TCF4: variants seen among roughly 807,000 people sequenced by gnomAD.
TCF4 encodes SL3-3 enhancer factor 2.
A neutral mutation model predicts 82.1 loss-of-function variants in TCF4; 3 were observed. The observed-to-expected ratio is 0.04, with a 90% CI of 0.02 to 0.09. TCF4 has a LOEUF of 0.09. Ranked by LOEUF, TCF4 falls within the 10% of genes least tolerant of loss-of-function variation. The pLI, the probability that TCF4 is intolerant of heterozygous loss-of-function variation, is 1.00. For synonymous variants in TCF4, 276 were observed against 309.6 expected (o/e 0.89, Z 1.14); for missense variants, 518 against 852.7 (o/e 0.61, Z 4.89).
At chr18:55,489,998 C>T (rs995827611) in intron 3 of TCF4, among the ~76,000 whole-genome samples, 5 of 152,128 alleles carry the variant, frequency 3.3e-5, no homozygotes, top group African/African-American at 9.7e-5. Flanking sequence ...AAAATACATG[C>T]GGATACTTTT....
chr18:55,431,076 C>G (rs562321988), intron 5 of TCF4, among the ~76,000 whole-genome samples: 1 of 152,226 alleles, frequency 6.6e-6, no homozygotes, highest in African/African-American at 2.4e-5. Flanking sequence ...TTAGAAGAAG[C>G]TGAAAGATGC....
At chr18:55,619,601 C>T (rs562611830) in intron 2 of TCF4, among the ~76,000 whole-genome samples, 8 of 152,232 alleles carry the variant, frequency 5.3e-5, no homozygotes, top group Non-Finnish European at 8.8e-5. Flanking sequence ...CTTTGCCTAA[C>T]TTTTAGAAGA....
chr18:55,290,470 G>T (rs1198373278), intron 8 of TCF4, among the ~76,000 whole-genome samples: 3 of 152,288 alleles, frequency 2.0e-5, no homozygotes, highest in South Asian at 2.1e-4. Flanking sequence ...GGGCAATGAG[G>T]TCTCAGATCT....
rs984509986 is a variant in TCF4 at position 55,350,917 on chromosome 18, A to G, written c.456T>C (p.Ser152=). ...TKPGSQYYQY[S]SNNPRRRPLH... is the part of the protein sequence containing the mutation. Reference sequence around the variant, plus strand: ...GAGGCCTCCTTCGGGGATTATTGCTAGAATACTGATAGTACTGGGAACCAG... The same window carrying G: ...GAGGCCTCCTTCGGGGATTATTGCTGGAATACTGATAGTACTGGGAACCAG... Residue 152 remains serine, a synonymous_variant, in exon 7 of 20, where the codon TCT becomes TCC. Coordinates refer to ENST00000354452, the MANE Select transcript of TCF4 (RefSeq NM_001083962.2). 1 of 1,613,556 alleles carries G rather than the reference A, an allele frequency of 6.2e-7. No individual in the cohort carries two copies. The highest frequency in any genetic ancestry group is 1.7e-5 in the Admixed American group (1 of 59,986).
chr18:55,563,330 C>A (rs2097372088), intron 3 of TCF4, among the ~76,000 whole-genome samples: 1 of 151,300 alleles, frequency 6.6e-6, no homozygotes, highest in Non-Finnish European at 1.5e-5. Context: ...TGTGTAACTT[C>A]ACAGAGAGTC....
intron 15 of TCF4, among the ~76,000 whole-genome samples, chr18:55,237,671 T>C (rs2049948909): frequency 6.6e-6 from 1 of 152,080 alleles, no homozygotes; most frequent in African/African-American, 2.4e-5. Flanking sequence ...CTTGTGTCTA[T>C]TCCAGGTCAT....
intron 9 of TCF4, among the ~76,000 whole-genome samples, chr18:55,279,152 A>T (rs1294430597): frequency 6.6e-6 from 1 of 152,158 alleles, no homozygotes. Context: ...ATAAGGTTAT[A>T]CATTAGGCCA....
At chr18:55,342,429 CTGAG>C (rs1034067638) in intron 8 of TCF4, among the ~76,000 whole-genome samples, 2 of 152,068 alleles carry the variant, frequency 1.3e-5, no homozygotes, top group Non-Finnish European at 2.9e-5. Context: ...AATCATATGC[CTGAG>C]TATTAAATGG....
intron 5 of TCF4, among the ~76,000 whole-genome samples, chr18:55,423,009 T>TCACA (rs369259689): frequency 2.0e-5 from 3 of 147,626 alleles, no homozygotes; most frequent in African/African-American, 7.5e-5. Context: ...ACGCACATGC[T>TCACA]CACACACACA....
intron 5 of TCF4, among the ~76,000 whole-genome samples, chr18:55,436,312 T>C (rs1263597786): frequency 6.6e-6 from 1 of 152,234 alleles, no homozygotes; most frequent in Non-Finnish European, 1.5e-5. Context: ...TTAACTACTT[T>C]ATTCATTAAA....
intron 8 of TCF4, among the ~76,000 whole-genome samples, chr18:55,298,958 T>C (rs2067303561): frequency 6.6e-6 from 1 of 152,038 alleles, no homozygotes; most frequent in Non-Finnish European, 1.5e-5. Flanking sequence ...CAGACAGACA[T>C]TTCCCTACAA....
At chr18:55,515,002 C>CTA (rs2096867314) in intron 3 of TCF4, among the ~76,000 whole-genome samples, 1 of 152,070 alleles carries the variant, frequency 6.6e-6, no homozygotes, top group African/African-American at 2.4e-5. Flanking sequence ...CTGCCCCACT[C>CTA]TATAAAGACC....
chr18:55,318,106 A>C (rs1302771471), intron 8 of TCF4, among the ~76,000 whole-genome samples: 1 of 152,244 alleles, frequency 6.6e-6, no homozygotes, highest in Non-Finnish European at 1.5e-5. Context: ...TGTGATCTTC[A>C]ATTACCATTA....
At chr18:55,302,073 C>A (rs947022479) in intron 8 of TCF4, among the ~76,000 whole-genome samples, 6 of 152,216 alleles carry the variant, frequency 3.9e-5, no homozygotes, top group African/African-American at 1.4e-4. Flanking sequence ...CTATTAACTC[C>A]GTCCGTTTGC....
chr18:55,260,124 T>A, intron 12 of TCF4, 97 bp from the exon 13 acceptor site: 1 of 877,466 alleles, frequency 1.1e-6, no homozygotes, highest in Non-Finnish European at 1.9e-6. Context: ...CATTTAGAAC[T>A]TACAAGTTAC....
intron 5 of TCF4, among the ~76,000 whole-genome samples, chr18:55,445,719 A>T (rs2095514461): frequency 6.6e-6 from 1 of 152,176 alleles, no homozygotes; most frequent in Non-Finnish European, 1.5e-5. Context: ...CATCTCACAG[A>T]ATGACTTCAG....
chr18:55,402,629 A>C (rs1404003504), intron 6 of TCF4, among the ~76,000 whole-genome samples: 3 of 152,198 alleles, frequency 2.0e-5, no homozygotes, highest in Admixed American at 6.5e-5. Flanking sequence ...AGGAAGTATA[A>C]ATTTTTAAAA....
At chr18:55,267,576 T>C (rs1276735755) in intron 11 of TCF4, 1 of 152,132 alleles carries the variant, frequency 6.6e-6, no homozygotes. Flanking sequence ...GGTGAACATA[T>C]TATTTTAAAG....
At chr18:55,263,882 C>A (rs1302674316) in intron 11 of TCF4, among the ~76,000 whole-genome samples, 1 of 151,912 alleles carries the variant, frequency 6.6e-6, no homozygotes, top group Non-Finnish European at 1.5e-5. Flanking sequence ...CATTATCTAA[C>A]AAAGAACCTA....
Sources: allele counts gnomAD v4.1 joint callset (sites outside exome capture counted in the v4.1 genomes callset), GRCh38; gene constraint gnomAD v4.1.1; transcripts MANE v1.5; gene names NCBI Gene and HGNC (gene_info 2026-07-23, HGNC 2026-07-21).